Variants in ENOX1 observed in about 807,000 individuals in gnomAD.
ENOX1 encodes the protein candidate growth-related and time keeping constitutive hydroquinone (NADH) oxidase.
In ENOX1, 42 loss-of-function variants were observed where a neutral mutation model predicts 82.5. The ratio of observed to expected loss-of-function variants is 0.51; its 90% CI spans 0.40 to 0.66. The LOEUF (loss-of-function observed/expected upper bound fraction) is 0.66, where lower values mean the gene tolerates loss of function less well. ENOX1 is among the 30% of genes least tolerant of loss of function. ENOX1 has a pLI of 0.00. For synonymous variants in ENOX1, 271 were observed against 282.2 expected (o/e 0.96, Z 0.40); for missense variants, 608 against 811.6 (o/e 0.75, Z 3.05).
intron 2 of ENOX1, among the ~76,000 whole-genome samples, chr13:43,512,798 G>A (rs987473362): frequency 7.9e-5 from 12 of 151,978 alleles, no homozygotes; most frequent in East Asian, 1.9e-4. Context: ...ATATCTTGGC[G>A]CAAATTGCTA....
intron 5 of ENOX1, among the ~76,000 whole-genome samples, chr13:43,366,063 T>C (rs1456910039): frequency 6.6e-6 from 1 of 152,266 alleles, no homozygotes; most frequent in African/African-American, 2.4e-5. Context: ...GGAGAAACTT[T>C]TTCAGAAGTC....
At chr13:43,391,509 C>A (rs2052772184) in intron 5 of ENOX1, among the ~76,000 whole-genome samples, 1 of 152,106 alleles carries the variant, frequency 6.6e-6, no homozygotes, top group South Asian at 2.1e-4. Context: ...CCGGGAAGTA[C>A]CAATCTGAGT....
chr13:43,428,338 A>C (rs1036900928), intron 3 of ENOX1, among the ~76,000 whole-genome samples: 1 of 152,150 alleles, frequency 6.6e-6, no homozygotes, highest in Non-Finnish European at 1.5e-5. Flanking sequence ...ACTCAGTCCA[A>C]ATATATATAT....
At chr13:43,434,749 T>C (rs1011044113) in intron 3 of ENOX1, among the ~76,000 whole-genome samples, 1 of 152,110 alleles carries the variant, frequency 6.6e-6, no homozygotes, top group Admixed American at 6.5e-5. Context: ...ACATCATTGT[T>C]TAGGATGAGG....
chr13:43,459,101 T>C (rs1489726227), intron 3 of ENOX1: 1 of 152,224 alleles, frequency 6.6e-6, no homozygotes, highest in Non-Finnish European at 1.5e-5. Flanking sequence ...TATAGCAGCA[T>C]ACAAATTTTA....
At chr13:43,418,405 G>T (rs1414219468) in intron 3 of ENOX1, among the ~76,000 whole-genome samples, 1 of 152,018 alleles carries the variant, frequency 6.6e-6, no homozygotes, top group East Asian at 1.9e-4. Context: ...GTGCATGCTT[G>T]TAATCCCAGC....
At chr13:43,296,703 T>C (rs192915775) in intron 12 of ENOX1, among the ~76,000 whole-genome samples, 92 of 152,316 alleles carry the variant, frequency 6.0e-4, no homozygotes, top group Non-Finnish European at 1.0e-3. Flanking sequence ...GGCTCCTCAG[T>C]GCTTCTGCAA....
chr13:43,409,040 CAAAAAAAA>C (rs11424006), intron 5 of ENOX1, among the ~76,000 whole-genome samples: 2 of 87,614 alleles, frequency 2.3e-5, no homozygotes, highest in Admixed American at 1.2e-4. Context: ...AAATATAAAC[CAAAAAAAA>C]AAAAAAAAAA....
chr13:43,328,970 G>A (rs2048273360), intron 9 of ENOX1, among the ~76,000 whole-genome samples: 1 of 152,196 alleles, frequency 6.6e-6, no homozygotes, highest in Admixed American at 6.5e-5. Context: ...TAATTATCCT[G>A]TGCAAGAGAG....
intron 2 of ENOX1, among the ~76,000 whole-genome samples, chr13:43,514,002 A>C (rs1281983751): frequency 6.6e-6 from 1 of 152,170 alleles, no homozygotes; most frequent in Non-Finnish European, 1.5e-5. Flanking sequence ...ATTTATATAC[A>C]TATTTGCATG....
intron 12 of ENOX1, among the ~76,000 whole-genome samples, chr13:43,291,604 C>G (rs17538598): frequency 0.032 from 4,920 of 152,098 alleles, 107 homozygotes; most frequent in Non-Finnish European, 0.046. Flanking sequence ...TCCGGGCAGC[C>G]AGAACAATTT....
intron 5 of ENOX1, among the ~76,000 whole-genome samples, chr13:43,405,067 T>G (rs2053714656): frequency 6.6e-6 from 1 of 152,222 alleles, no homozygotes; most frequent in African/African-American, 2.4e-5. Flanking sequence ...TTTGCTGGTA[T>G]AAGTATGATT....
intron 1 of ENOX1, among the ~76,000 whole-genome samples, chr13:43,714,537 G>C (rs2087972705): frequency 6.6e-6 from 1 of 152,122 alleles, no homozygotes; most frequent in Non-Finnish European, 1.5e-5. Context: ...CGTTATTATT[G>C]TGTGGGAGTC....
chr13:43,599,250 G>C (rs892296117), intron 2 of ENOX1, among the ~76,000 whole-genome samples: 15 of 152,030 alleles, frequency 9.9e-5, no homozygotes, highest in Admixed American at 7.9e-4. Context: ...ATCACTGAAA[G>C]AGGCACTGAA....
At chr13:43,514,799 T>C (rs1400419325) in intron 2 of ENOX1, among the ~76,000 whole-genome samples, 4 of 152,146 alleles carry the variant, frequency 2.6e-5, no homozygotes, top group Admixed American at 6.6e-5. Flanking sequence ...CTGCTGAGCA[T>C]TGGAATATTA....
intron 2 of ENOX1, among the ~76,000 whole-genome samples, chr13:43,519,999 G>GT (rs1566438217): frequency 6.6e-6 from 1 of 151,996 alleles, no homozygotes; most frequent in East Asian, 1.9e-4. Flanking sequence ...ATTTACTAAC[G>GT]TAACTGACTC....
intron 2 of ENOX1, among the ~76,000 whole-genome samples, chr13:43,535,079 A>T (rs150743272): frequency 3.7e-4 from 56 of 152,314 alleles, no homozygotes; most frequent in African/African-American, 1.2e-3. Context: ...AACACTCCAC[A>T]CCTGATCTAT....
intron 14 of ENOX1, among the ~76,000 whole-genome samples, chr13:43,263,484 C>T (rs1163779562): frequency 1.3e-5 from 2 of 152,168 alleles, no homozygotes; most frequent in Non-Finnish European, 2.9e-5. Flanking sequence ...ACAAAGACCT[C>T]GAAGATTATC....
At chr13:43,262,356 T>C (rs2044122665) in intron 14 of ENOX1, among the ~76,000 whole-genome samples, 1 of 152,212 alleles carries the variant, frequency 6.6e-6, no homozygotes, top group South Asian at 2.1e-4. Flanking sequence ...ACCAGTCCAC[T>C]GTATAATTGT....
Sources: allele counts gnomAD v4.1 joint callset (sites outside exome capture counted in the v4.1 genomes callset), GRCh38; gene constraint gnomAD v4.1.1; transcripts MANE v1.5; gene names NCBI Gene and HGNC (gene_info 2026-07-23, HGNC 2026-07-21).